The following PSORS1C1 variants were observed in gnomAD, a reference collection of about 807,000 sequenced individuals.
The protein encoded by PSORS1C1 is psoriasis susceptibility 1 candidate 1, also known as psoriasis susceptibility 1 candidate gene 1 protein.
PSORS1C1 carries 7 observed loss-of-function variants against 9.4 expected under a neutral mutation model. The observed-to-expected ratio is 0.75, with a 90% CI of 0.42 to 1.40. The LOEUF (loss-of-function observed/expected upper bound fraction) is 1.40. Among genes scored for constraint, PSORS1C1 ranks in the 40% most tolerant of loss-of-function variants. PSORS1C1 has a pLI of 0.01. For synonymous variants in PSORS1C1, 63 were observed against 69.4 expected (o/e 0.91, Z 0.46); for missense variants, 146 against 178.1 (o/e 0.82, Z 1.02).
chr6:31,120,273 G>T, intron 1 of PSORS1C1: 1 of 1,303,598 alleles, frequency 7.7e-7, no homozygotes, highest in Non-Finnish European at 1.1e-6. Flanking sequence ...CCCCTTCGCT[G>T]GGTCCTCTCC....
At chr6:31,131,944 T>C (rs1341574117) in intron 3 of PSORS1C1, among the ~76,000 whole-genome samples, 3 of 152,178 alleles carry the variant, frequency 2.0e-5, no homozygotes, top group African/African-American at 7.2e-5. Flanking sequence ...GTAAAAGAGA[T>C]TTATTTAAAA....
chr6:31,123,158 C>T (rs1240684418), intron 1 of PSORS1C1, among the ~76,000 whole-genome samples: 1 of 152,214 alleles, frequency 6.6e-6, no homozygotes, highest in African/African-American at 2.4e-5. Context: ...CAGCCGCCCA[C>T]GTGGACTGGC....
chr6:31,122,946 G>A lies in PSORS1C1; in HGVS notation c.-228-2730G>A, dbSNP rs187281546. ...GGAGTGGACTAGAAGGTGCTGGGCC[G>A]TCCCAGGGTGTGAGGGGAGAAGGCA... On this transcript the variant is annotated intron_variant, in intron 1 of 5. Transcript: ENST00000259881. Among the ~76,000 whole-genome samples, 140 of 151,360 alleles carry A rather than the reference G, an allele frequency of 9.2e-4. 2 individuals carry two copies. In the East Asian group the frequency reaches 0.014, roughly 15 times the overall value.
At chr6:31,138,905 C>A (rs1362141149) in intron 5 of PSORS1C1, 126 bp downstream of exon 5, 10 of 1,599,744 alleles carry the variant, frequency 6.3e-6, no homozygotes, top group Middle Eastern at 1.7e-4. Flanking sequence ...GCGTCCAGTT[C>A]ACCTCCGCCA....
At chr6:31,136,128 TGTAA>T (rs1392497962) in intron 3 of PSORS1C1, among the ~76,000 whole-genome samples, 2 of 152,072 alleles carry the variant, frequency 1.3e-5, no homozygotes, top group African/African-American at 4.8e-5. Flanking sequence ...GGTTTACACC[TGTAA>T]TCCTAGCACT....
Position 31,139,559 on chromosome 6 carries a change from C to A in PSORS1C1, c.168-82C>A. On this transcript the variant is annotated intron_variant, in intron 5 of 5. Transcript: ENST00000259881. The surrounding 1 kb of genome is among the most constrained non-coding windows in gnomAD (Gnocchi z 5.2). ...CACTCACCCCCGCACTGAAAGCTCC[C>A]CCTGGGGCTTCGTGCTTTCCTGGGC... 7.0e-7 allele frequency: 1 copy of A among 1,424,882 alleles called. No homozygotes were observed. The highest frequency in any genetic ancestry group is 2.4e-5 in the East Asian group (1 of 42,296). The allele number at this position is 1,424,882 out of a possible 1,614,324, so 88.3% of individuals were successfully genotyped here.
chr6:31,116,730 G>C, intron 1 of PSORS1C1: 2 of 1,612,910 alleles, frequency 1.2e-6, no homozygotes, highest in Non-Finnish European at 1.7e-6. Flanking sequence ...CCACCTCGTA[G>C]CCACCATAGG....
chr6:31,116,167 G>A, intron 1 of PSORS1C1: 1 of 1,611,824 alleles, frequency 6.2e-7, no homozygotes, highest in Non-Finnish European at 8.5e-7. Flanking sequence ...ACAGGGCTTG[G>A]CACCAGCGGA....
intron 3 of PSORS1C1, among the ~76,000 whole-genome samples, chr6:31,131,783 A>G (rs1360097987): frequency 6.6e-6 from 1 of 152,192 alleles, no homozygotes; most frequent in African/African-American, 2.4e-5. Flanking sequence ...TAGCATTGTT[A>G]TGCAAATTAA....
intron 1 of PSORS1C1, among the ~76,000 whole-genome samples, chr6:31,121,798 G>A (rs1011884006): frequency 3.3e-5 from 5 of 152,254 alleles, no homozygotes; most frequent in Non-Finnish European, 7.3e-5. Flanking sequence ...GGATGGAAAT[G>A]TTTCCTGTCT....
chr6:31,139,540 C>T lies in PSORS1C1; in HGVS notation c.168-101C>T, dbSNP rs1265092. 0.32 allele frequency: 369,644 copies of T among 1,169,642 alleles called. 60,344 individuals carry two copies. Among genetic ancestry groups the T allele is most frequent in the Middle Eastern group, 0.39 (1,335 of 3,464 alleles). The allele number at this position is 1,169,642 out of a possible 1,614,324, so 72.5% of individuals were successfully genotyped here. A position where few individuals can be genotyped will look rare whatever the true frequency, so the allele number is the denominator to read the frequency against. ...GCTACTACCCCAGCCTCCCCACTCACCCCCGCACTGAAAGCTCCCCCTGGG... is the reference window on the plus strand; with the variant it reads ...GCTACTACCCCAGCCTCCCCACTCATCCCCGCACTGAAAGCTCCCCCTGGG... On this transcript the variant is annotated intron_variant, in intron 5 of 5. Coordinates refer to ENST00000259881, the MANE Select transcript of PSORS1C1 (RefSeq NM_014068.3). The surrounding 1 kb of genome is among the most constrained non-coding windows in gnomAD (Gnocchi z 5.2).
In PSORS1C1 at chr6:31,125,742, CTGCAGCCAGCCATCTA is replaced by C. The variant is rs1381663658; in HGVS notation, c.-155_-140del. 3.3e-5 allele frequency: 5 copies of C among 152,386 alleles called. No individual in the cohort carries two copies. The East Asian group carries it at 9.6e-4, about 29-fold the overall frequency. 9.4% of individuals were successfully genotyped at this position (152,386 alleles called of 1,614,324 possible). A position where few individuals can be genotyped will look rare whatever the true frequency, so the allele number is the denominator to read the frequency against. ...TTCTTGCCTTCGTCTCAAATAGACT[CTGCAGCCAGCCATCTA>C]TGCAGCGCCCCAGTGGCTTTGAAAT... On this transcript the variant is annotated 5_prime_UTR_variant, in exon 2 of 6. It removes an upstream start codon present in the reference 5' UTR. Coordinates refer to ENST00000259881, the MANE Select transcript of PSORS1C1 (RefSeq NM_014068.3).
At position 31,120,715 on chromosome 6, in the gene PSORS1C1, C is replaced by T. The variant is rs573633731; in HGVS notation, c.-228-4961C>T. Among the ~76,000 whole-genome samples, 91 of 152,260 alleles carry T rather than the reference C, an allele frequency of 6.0e-4. 1 individual carries two copies. The highest frequency in any genetic ancestry group is 1.8e-4 in the Non-Finnish European group (12 of 68,004). Reference sequence around the variant, plus strand: ...CCTCATTGCCTAACCCGGAACCAGGCGCTCTGCCCCACGGCCACCCACTCT... The same window carrying T: ...CCTCATTGCCTAACCCGGAACCAGGTGCTCTGCCCCACGGCCACCCACTCT... On this transcript the variant is annotated intron_variant, in intron 1 of 5. Coordinates refer to ENST00000259881, the MANE Select transcript of PSORS1C1 (RefSeq NM_014068.3).
intron 2 of PSORS1C1, among the ~76,000 whole-genome samples, chr6:31,129,093 AG>A (rs1053362466): frequency 6.6e-6 from 1 of 152,228 alleles, no homozygotes; most frequent in Non-Finnish European, 1.5e-5. Flanking sequence ...TCGCTGCCCA[AG>A]GCTCAGGGCT....
intron 1 of PSORS1C1, among the ~76,000 whole-genome samples, chr6:31,121,180 G>GGA (rs1421941027): frequency 6.6e-6 from 1 of 151,520 alleles, no homozygotes; most frequent in African/African-American, 2.4e-5. Flanking sequence ...GGGTGGGGGG[G>GGA]TGCTGGGAGC....
chr6:31,137,948 C>G (rs1334071289), intron 3 of PSORS1C1: 1 of 1,439,680 alleles, frequency 6.9e-7, no homozygotes, highest in Non-Finnish European at 9.3e-7. Context: ...TGAGGGGACT[C>G]CATTATCTGT....
intron 3 of PSORS1C1, chr6:31,137,882 G>A (rs1258168171): frequency 3.0e-6 from 2 of 672,032 alleles, no homozygotes; most frequent in South Asian, 3.0e-5. Context: ...GAATTCACGG[G>A]GAATCAGAGG....
At position 31,119,257 on chromosome 6, in the gene PSORS1C1, CAGAA is replaced by C. The variant is rs372519949; in HGVS notation, c.-229+4372_-229+4375del. On this transcript the variant is annotated intron_variant, in intron 1 of 5. Transcript: ENST00000259881. Reference sequence around the variant, plus strand: ...CTCTGTGATGTCCCTGTTCTCTCCTCAGAAAGAAATTCTCTGCATGCACCTCCAC... The same window carrying C: ...CTCTGTGATGTCCCTGTTCTCTCCTCAGAAATTCTCTGCATGCACCTCCAC... Among the ~76,000 whole-genome samples, 600 of 152,276 alleles carry C rather than the reference CAGAA, an allele frequency of 3.9e-3. 15 individuals carry two copies. In the South Asian group the frequency reaches 0.067, roughly 17 times the overall value.
At chr6:31,134,498 G>A (rs1014953246) in intron 3 of PSORS1C1, among the ~76,000 whole-genome samples, 1 of 151,738 alleles carries the variant, frequency 6.6e-6, no homozygotes, top group Non-Finnish European at 1.5e-5. Context: ...GTAGAGACTG[G>A]GTTTCACCAT....
Sources: gnomAD v4.1 joint callset for allele counts (sites outside exome capture counted in the v4.1 genomes callset) on GRCh38, gnomAD v4.1.1 for gene constraint, Gnocchi (gnomAD v3.1) non-coding constraint, MANE v1.5 for transcripts, NCBI Gene and HGNC (gene_info 2026-07-23, HGNC 2026-07-21) for gene names.